IFT140: variants seen among roughly 807,000 people sequenced by gnomAD.
The protein encoded by IFT140 is intraflagellar transport protein 140 homolog.
IFT140 carries 133 observed loss-of-function variants against 164.6 expected under a neutral mutation model. The observed-to-expected ratio is 0.81, with a 90% CI of 0.70 to 0.93. The LOEUF (loss-of-function observed/expected upper bound fraction) is 0.93. IFT140 is among the 40% of genes least tolerant of loss of function. The pLI, the probability that IFT140 is intolerant of heterozygous loss-of-function variation, is 0.00. For missense variants in IFT140, 2,045 were observed against 1,972.3 expected (o/e 1.04, Z -0.70); for synonymous variants, 860 against 817.3 (o/e 1.05, Z -0.89).
At chr16:1,546,311 G>C (rs1297462142) in intron 19 of IFT140, among the ~76,000 whole-genome samples, 1 of 152,190 alleles carries the variant, frequency 6.6e-6, no homozygotes, top group African/African-American at 2.4e-5. Flanking sequence ...TCCGGTGCCT[G>C]AGGATGCTCC....
intron 10 of IFT140, among the ~76,000 whole-genome samples, chr16:1,585,179 A>G (rs1288984616): frequency 6.6e-6 from 1 of 152,264 alleles, no homozygotes; most frequent in Non-Finnish European, 1.5e-5. Flanking sequence ...ATGTCCATCA[A>G]CTGATGAATG....
intron 14 of IFT140, 59 bp from the exon 15 acceptor site, chr16:1,568,393 C>T: frequency 7.3e-7 from 1 of 1,362,258 alleles, no homozygotes; most frequent in Non-Finnish European, 1.0e-6. Context: ...AATTCTCCGC[C>T]CACCCTGAAA....
Position 1,586,034 on chromosome 16 carries a change from G to C in IFT140, c.1155+96C>G, listed in dbSNP as rs535417999. On this transcript the variant is annotated intron_variant, in intron 10 of 30. Coordinates refer to ENST00000426508, the MANE Select transcript of IFT140 (RefSeq NM_014714.4). ...GATCCACCCGCCTTGGCCTCCCAAAGTGCTGGGATTACAGGCGTGAGCCAC... is the reference window on the plus strand; with the variant it reads ...GATCCACCCGCCTTGGCCTCCCAAACTGCTGGGATTACAGGCGTGAGCCAC... 5.4e-4 allele frequency: 789 copies of C among 1,464,792 alleles called. 1 individual carries two copies. Among genetic ancestry groups the C allele is most frequent in the Non-Finnish European group, 6.9e-4 (732 of 1,059,112 alleles). The allele number at this position is 1,464,792 out of a possible 1,614,324, so 90.7% of individuals were successfully genotyped here.
intron 13 of IFT140, among the ~76,000 whole-genome samples, chr16:1,579,716 C>A (rs1274888005): frequency 6.6e-6 from 1 of 152,124 alleles, no homozygotes; most frequent in Non-Finnish European, 1.5e-5. Context: ...CCTGTAATCC[C>A]AGCACTTTGG....
intron 30 of IFT140, among the ~76,000 whole-genome samples, chr16:1,511,709 T>C (rs2040163461): frequency 6.6e-6 from 1 of 151,088 alleles, no homozygotes; most frequent in African/African-American, 2.4e-5. Flanking sequence ...GCTGGTGGAG[T>C]GCAAGCCTTC....
At chr16:1,511,268 A>T in intron 30 of IFT140, 118 bp from the exon 31 acceptor site, 1 of 896,184 alleles carries the variant, frequency 1.1e-6, no homozygotes, top group South Asian at 1.4e-5. Flanking sequence ...TCCGCGCTGG[A>T]GGACACGGGG....
intron 19 of IFT140, chr16:1,554,055 G>C (rs1349094760): frequency 1.6e-6 from 2 of 1,287,054 alleles, no homozygotes; most frequent in Admixed American, 4.6e-5. Context: ...AAAGAGAGGG[G>C]AAAGCATGGA....
chr16:1,543,453 C>G (rs776787565), intron 19 of IFT140, among the ~76,000 whole-genome samples: 1 of 152,218 alleles, frequency 6.6e-6, no homozygotes, highest in South Asian at 2.1e-4. Context: ...CAAGTCACTT[C>G]CCCTGGCGGG....
At chr16:1,589,540 A>T in intron 7 of IFT140, 65 bp downstream of exon 7, 2 of 1,533,220 alleles carry the variant, frequency 1.3e-6, no homozygotes, top group Non-Finnish European at 1.8e-6. Context: ...AAGGGCCGTC[A>T]ACGAGGCCAG....
At position 1,527,110 on chromosome 16, in the gene IFT140, T is replaced by C. The variant is rs1381959872; in HGVS notation, c.2400-314A>G. 6 of 395,620 alleles carry C rather than the reference T, an allele frequency of 1.5e-5. No individual in the cohort carries two copies. In the Admixed American group the frequency reaches 1.6e-4, roughly 11 times the overall value. 24.5% of individuals were successfully genotyped at this position (395,620 alleles called of 1,614,324 possible). Reference sequence around the variant, plus strand: ...TCTAAGCGGCTGTCTGATCAGGAAATGTGGGCTTCCTGTGTTGCTTGCACA... The same window carrying C: ...TCTAAGCGGCTGTCTGATCAGGAAACGTGGGCTTCCTGTGTTGCTTGCACA... On this transcript the variant is annotated intron_variant, in intron 19 of 30. Transcript: ENST00000426508.
chr16:1,515,916 A>G (rs1206777895), intron 30 of IFT140, among the ~76,000 whole-genome samples: 2 of 152,004 alleles, frequency 1.3e-5, no homozygotes, highest in Admixed American at 6.6e-5. Context: ...CGAGGCAGGC[A>G]GATCACCTGA....
intron 19 of IFT140, chr16:1,555,180 G>A (rs905171157): frequency 2.4e-5 from 22 of 925,408 alleles, no homozygotes; most frequent in Middle Eastern, 6.8e-4. Context: ...ACACGTGTGC[G>A]TTTACTGTTA....
intron 12 of IFT140, among the ~76,000 whole-genome samples, chr16:1,582,359 C>A (rs1344621473): frequency 2.0e-5 from 3 of 152,176 alleles, no homozygotes; most frequent in African/African-American, 7.2e-5. Flanking sequence ...GGTTTGTGAC[C>A]ACAAGCCAAA....
intron 19 of IFT140, among the ~76,000 whole-genome samples, chr16:1,528,332 TGTGCACACACACGCATGCACGCACGTG>T (rs2029966454): frequency 9.7e-6 from 1 of 103,022 alleles, no homozygotes; most frequent in Admixed American, 1.2e-4. Context: ...TGCACGCACG[TGTGCACACACACGCATGCACGCACGTG>T]TGCACACACA....
intron 19 of IFT140, among the ~76,000 whole-genome samples, chr16:1,537,325 G>A (rs544903814): frequency 1.3e-5 from 2 of 152,360 alleles, no homozygotes; most frequent in East Asian, 1.9e-4. Flanking sequence ...GTCTCCGGAC[G>A]GCTCTGTGCC....
chr16:1,604,274 C>CGAGTGTGT (rs552736270), intron 3 of IFT140: 1 of 129,812 alleles, frequency 7.7e-6, no homozygotes, highest in Admixed American at 8.0e-5. Flanking sequence ...GCTGCAAGGG[C>CGAGTGTGT]GTGTGTGTGT....
chr16:1,568,359 G>C, intron 14 of IFT140, 25 bp from the exon 15 acceptor site: 1 of 1,574,282 alleles, frequency 6.4e-7, no homozygotes, highest in Non-Finnish European at 8.7e-7. Flanking sequence ...AGGGACCTCA[G>C]TGCCCGCCAG....
chr16:1,545,604 G>C (rs1198913668), intron 19 of IFT140, among the ~76,000 whole-genome samples: 2 of 152,232 alleles, frequency 1.3e-5, no homozygotes, highest in Non-Finnish European at 2.9e-5. Context: ...GGAAACGCCT[G>C]CTATTACCTG....
At chr16:1,610,112 C>T (rs1402472802) in intron 2 of IFT140, 8 of 154,046 alleles carry the variant, frequency 5.2e-5, no homozygotes, top group Admixed American at 2.6e-4. Flanking sequence ...TAGGGAACTC[C>T]GGGATGGGGC....
Sources: gnomAD v4.1 joint callset for allele counts (sites outside exome capture counted in the v4.1 genomes callset) on GRCh38, gnomAD v4.1.1 for gene constraint, MANE v1.5 for transcripts, NCBI Gene and HGNC (gene_info 2026-07-23, HGNC 2026-07-21) for gene names.